Variants in MFHAS1 observed in about 807,000 individuals in gnomAD.
MFHAS1 encodes malignant fibrous histiocytoma-amplified sequence 1.
Under a neutral mutation model 70.4 loss-of-function variants are expected in MFHAS1, and 50 were observed. That is an observed-to-expected ratio of 0.71 (90% CI 0.57 to 0.90). The LOEUF (loss-of-function observed/expected upper bound fraction) is 0.90. MFHAS1 is among the 40% of genes least tolerant of loss of function. The probability of loss-of-function intolerance (pLI) is 0.00; values close to 1 mark genes in which losing one functional copy is unlikely to be tolerated. For missense variants in MFHAS1, 1,795 were observed against 1,347.6 expected, an observed-to-expected ratio of 1.33 and a Z score of -5.20; for synonymous variants, 952 against 620.0, an observed-to-expected ratio of 1.54 and a Z score of -7.96.
chr8:8,862,750 G>A (rs1463842964), intron 1 of MFHAS1, among the ~76,000 whole-genome samples: 1 of 152,180 alleles, frequency 6.6e-6, no homozygotes, highest in Non-Finnish European at 1.5e-5. Flanking sequence ...TGTCAATGTA[G>A]GTTCATCGAT....
chr8:8,852,231 T>A (rs1002359982), intron 1 of MFHAS1, among the ~76,000 whole-genome samples: 1 of 152,140 alleles, frequency 6.6e-6, no homozygotes, highest in Non-Finnish European at 1.5e-5. Flanking sequence ...TAATCACATT[T>A]GGGAAGCCGA....
At chr8:8,837,159 T>C (rs1179946300) in intron 1 of MFHAS1, among the ~76,000 whole-genome samples, 2 of 152,218 alleles carry the variant, frequency 1.3e-5, no homozygotes, top group Non-Finnish European at 2.9e-5. Context: ...AACTAGATGT[T>C]CATACCACTG....
chr8:8,832,433 A>ACG (rs1807435295), intron 1 of MFHAS1, among the ~76,000 whole-genome samples: 1 of 139,448 alleles, frequency 7.2e-6, no homozygotes, highest in African/African-American at 3.0e-5. Context: ...CTTCACACAC[A>ACG]CACACACACA....
At chr8:8,796,944 C>T (rs1001195707) in intron 2 of MFHAS1, among the ~76,000 whole-genome samples, 12 of 151,676 alleles carry the variant, frequency 7.9e-5, no homozygotes, top group Non-Finnish European at 1.6e-4. Context: ...TGCAGTGAGC[C>T]GAGATCGCAC....
chr8:8,832,589 A>G (rs1378647493), intron 1 of MFHAS1, among the ~76,000 whole-genome samples: 1 of 151,406 alleles, frequency 6.6e-6, no homozygotes. Flanking sequence ...TGACAATACC[A>G]AGTACTGATG....
chr8:8,807,818 C>T (rs1207717970), intron 1 of MFHAS1, among the ~76,000 whole-genome samples: 1 of 152,150 alleles, frequency 6.6e-6, no homozygotes, highest in Non-Finnish European at 1.5e-5. Flanking sequence ...CAACATTATT[C>T]TCTTAGTAAC....
rs557418551 is a variant in MFHAS1, at chr8:8,884,902, A to G, written c.2998+5159T>C. Among the ~76,000 whole-genome samples the G allele has an allele frequency of 3.9e-5, 6 of 152,238 alleles. No individual in the cohort carries two copies. The South Asian group carries it at 1.0e-3, about 26-fold the overall frequency. ...CAAGAGGTCGAGGCTGCAGTAAGCC[A>G]TTATTGCCCCAATGCATTCCAACCT... On this transcript the variant is annotated intron_variant, in intron 1 of 2. Transcript: ENST00000276282.
Position 8,783,526 on chromosome 8 carries a change from T to TC in MFHAS1, c.*2495dup, listed in dbSNP as rs1410057262. ...TCCTTTTTATTCATTCAAAAGAGAG[T>TC]CCAATACACAAGTGTCAAATATGAG... On this transcript the variant is annotated 3_prime_UTR_variant, in exon 3 of 3. Transcript: ENST00000276282. 1.3e-5 allele frequency: 2 copies of TC among 151,876 alleles called. No homozygotes were observed. The highest frequency in any genetic ancestry group is 4.8e-5 in the African/African-American group (2 of 41,324). The allele number at this position is 151,876 out of a possible 1,614,324, so 9.4% of individuals were successfully genotyped here.
chr8:8,834,722 A>C (rs1807535204), intron 1 of MFHAS1, among the ~76,000 whole-genome samples: 1 of 152,214 alleles, frequency 6.6e-6, no homozygotes, highest in Admixed American at 6.5e-5. Context: ...CCCCATCATT[A>C]AGGGATGCAT....
chr8:8,887,943 T>A (rs1240736062), intron 1 of MFHAS1, among the ~76,000 whole-genome samples: 1 of 152,088 alleles, frequency 6.6e-6, no homozygotes, highest in Non-Finnish European at 1.5e-5. Flanking sequence ...ATAACCTATG[T>A]CTCTCCTTTT....
Position 8,891,311 on chromosome 8 carries a change from TC to T in MFHAS1, c.1747del (p.Asp583ThrfsTer99). ...AKVVDEALAR[D>X]FELRSASPHA... ...GGGGCTGGCAGAGCGCAGCTCGAAG[TC>T]CCGGGCCAGTGCCTCGTCCACCACC... On this transcript the variant is annotated frameshift_variant, in exon 1 of 3. Coordinates refer to ENST00000276282, the MANE Select transcript of MFHAS1 (RefSeq NM_004225.3). LOFTEE classifies it high-confidence loss of function. This position sits in a 1 kb window ranked among gnomAD's most constrained non-coding sequence, Gnocchi z 5.4. 1 of 1,611,272 alleles carries T rather than the reference TC, an allele frequency of 6.2e-7. No homozygotes were observed. Among genetic ancestry groups the T allele is most frequent in the Non-Finnish European group, 8.5e-7 (1 of 1,180,010 alleles).
chr8:8,815,258 G>C (rs1325151471), intron 1 of MFHAS1, among the ~76,000 whole-genome samples: 1 of 152,126 alleles, frequency 6.6e-6, no homozygotes, highest in African/African-American at 2.4e-5. Flanking sequence ...TCTTTATCCA[G>C]TCTATCATTG....
chr8:8,829,248 T>A (rs1015014435), intron 1 of MFHAS1, among the ~76,000 whole-genome samples: 8 of 152,206 alleles, frequency 5.3e-5, no homozygotes, highest in African/African-American at 1.7e-4. Context: ...ACTCAGTATG[T>A]GTACCGGGCT....
Position 8,892,507 on chromosome 8 carries a change from G to A in MFHAS1, c.552C>T (p.Arg184=). 26 of 1,603,196 alleles carry A rather than the reference G, an allele frequency of 1.6e-5. No homozygotes were observed. The highest frequency in any genetic ancestry group is 2.2e-5 in the Non-Finnish European group (26 of 1,174,928). The change falls in exon 1 of 3, where the codon CGC becomes CGT. Residue 184 remains arginine (R), a synonymous_variant. Transcript: ENST00000276282. The surrounding 1 kb of genome is among the most constrained non-coding windows in gnomAD (Gnocchi z 4.7). ...PDSLSCLSRL[R]TLDVDHNQLT... ...GCTGGTTGTGATCCACGTCCAGGGT[G>A]CGCAGGCGGGAGAGGCAGGAGAGGG...
At chr8:8,801,452 C>G (rs1806081329) in intron 1 of MFHAS1, among the ~76,000 whole-genome samples, 2 of 152,300 alleles carry the variant, frequency 1.3e-5, no homozygotes, top group African/African-American at 4.8e-5. Flanking sequence ...GCAAGCAGAA[C>G]AGTCCACAGT....
intron 1 of MFHAS1, among the ~76,000 whole-genome samples, chr8:8,852,554 C>G (rs1454501154): frequency 1.3e-5 from 2 of 152,134 alleles, no homozygotes; most frequent in Non-Finnish European, 2.9e-5. Context: ...GTTTCAGCCA[C>G]TCTAAAACCA....
chr8:8,889,937 C>T, intron 1 of MFHAS1, 124 bp downstream of exon 1: 1 of 773,660 alleles, frequency 1.3e-6, no homozygotes, highest in Non-Finnish European at 2.1e-6. Context: ...CCTGTGTTTC[C>T]CTTACGAAGC....
chr8:8,833,580 G>A (rs1002036455), intron 1 of MFHAS1, among the ~76,000 whole-genome samples: 4 of 152,100 alleles, frequency 2.6e-5, no homozygotes, highest in African/African-American at 9.7e-5. Flanking sequence ...AGTGAGCCAC[G>A]ATTGCACGAC....
intron 1 of MFHAS1, among the ~76,000 whole-genome samples, chr8:8,813,038 A>T (rs1443791318): frequency 1.3e-5 from 2 of 152,218 alleles, no homozygotes; most frequent in African/African-American, 4.8e-5. Flanking sequence ...AAGTGCTGGG[A>T]TTACAGGCAT....
Sources: allele counts gnomAD v4.1 joint callset (sites outside exome capture counted in the v4.1 genomes callset), GRCh38; gene constraint gnomAD v4.1.1; non-coding constraint Gnocchi (gnomAD v3.1); transcripts MANE v1.5; gene names NCBI Gene and HGNC (gene_info 2026-07-23, HGNC 2026-07-21).